AMPH: variants seen among roughly 807,000 people sequenced by gnomAD.
AMPH encodes the protein amphiphysin.
In AMPH, 49 loss-of-function variants were observed where a neutral mutation model predicts 99.1. The ratio of observed to expected loss-of-function variants is 0.49; its 90% CI spans 0.39 to 0.63. The LOEUF is 0.63. Ranked by LOEUF, AMPH falls within the 20% of genes least tolerant of loss-of-function variation. AMPH has a pLI of 0.00. For missense variants in AMPH, 759 were observed against 863.4 expected (o/e 0.88, Z 1.52); for synonymous variants, 314 against 317.3 (o/e 0.99, Z 0.11).
intron 5 of AMPH, among the ~76,000 whole-genome samples, chr7:38,477,639 G>T (rs954547386): frequency 6.6e-6 from 1 of 152,134 alleles, no homozygotes; most frequent in Non-Finnish European, 1.5e-5. Context: ...ATATATGGCT[G>T]CTAGGGGATA....
chr7:38,512,988 A>G (rs897549782), intron 2 of AMPH, among the ~76,000 whole-genome samples: 2 of 152,224 alleles, frequency 1.3e-5, no homozygotes, highest in Non-Finnish European at 2.9e-5. Context: ...TGGAAATGAA[A>G]TAAATAGAAA....
chr7:38,543,919 C>A (rs1554357873), intron 1 of AMPH, among the ~76,000 whole-genome samples: 1 of 152,006 alleles, frequency 6.6e-6, no homozygotes, highest in Non-Finnish European at 1.5e-5. Flanking sequence ...ATCGCAATAC[C>A]CATAAAGTAC....
chr7:38,568,444 G>A (rs1358205367), intron 1 of AMPH, among the ~76,000 whole-genome samples: 10 of 152,092 alleles, frequency 6.6e-5, no homozygotes, highest in South Asian at 4.1e-4. Context: ...CAGCCTGGGC[G>A]GCAAAGCGAG....
chr7:38,570,648 G>GTTAC (rs1329288512), intron 1 of AMPH, among the ~76,000 whole-genome samples: 1 of 151,590 alleles, frequency 6.6e-6, no homozygotes, highest in Non-Finnish European at 1.5e-5. Flanking sequence ...AAATGGCTAG[G>GTTAC]TTACTGGTTT....
At chr7:38,424,583 G>C (rs530281472) in intron 15 of AMPH, among the ~76,000 whole-genome samples, 2 of 151,784 alleles carry the variant, frequency 1.3e-5, no homozygotes, top group Admixed American at 1.3e-4. Flanking sequence ...AACAATAATA[G>C]AATACTAGTC....
chr7:38,535,625 T>C (rs1004073769), intron 1 of AMPH, among the ~76,000 whole-genome samples: 3 of 152,188 alleles, frequency 2.0e-5, no homozygotes, highest in Admixed American at 6.5e-5. Context: ...CACCATAATG[T>C]AGAATCAGTG....
intron 15 of AMPH, among the ~76,000 whole-genome samples, chr7:38,423,995 C>G (rs1003340506): frequency 6.6e-6 from 1 of 152,162 alleles, no homozygotes; most frequent in Admixed American, 6.5e-5. Context: ...AGACCATGCA[C>G]CCCTCTCTCG....
chr7:38,615,079 T>C (rs1354960171), intron 1 of AMPH, among the ~76,000 whole-genome samples: 1 of 152,210 alleles, frequency 6.6e-6, no homozygotes, highest in Non-Finnish European at 1.5e-5. Context: ...TATTGCAGAA[T>C]AACTTCACCA....
chr7:38,534,643 G>A (rs968892621), intron 2 of AMPH, among the ~76,000 whole-genome samples: 2 of 152,128 alleles, frequency 1.3e-5, no homozygotes, highest in Non-Finnish European at 2.9e-5. Context: ...GTCACTGCAC[G>A]CCAACCTGGG....
intron 1 of AMPH, among the ~76,000 whole-genome samples, chr7:38,610,067 T>A (rs1169346422): frequency 1.3e-5 from 2 of 150,460 alleles, no homozygotes; most frequent in Admixed American, 6.7e-5. Flanking sequence ...AGAAACCCCA[T>A]CTCTACTAAA....
intron 17 of AMPH, among the ~76,000 whole-genome samples, chr7:38,397,565 G>C (rs1030948932): frequency 8.5e-5 from 13 of 152,148 alleles, no homozygotes; most frequent in Admixed American, 5.9e-4. Context: ...ACTACCAAAA[G>C]GAAACATTGG....
intron 1 of AMPH, among the ~76,000 whole-genome samples, chr7:38,563,965 C>A (rs1283492690): frequency 6.6e-6 from 1 of 152,156 alleles, no homozygotes. Context: ...TAATATGTTA[C>A]CCCATGAATA....
At chr7:38,565,933 C>A (rs540826813) in intron 1 of AMPH, among the ~76,000 whole-genome samples, 2 of 152,218 alleles carry the variant, frequency 1.3e-5, no homozygotes, top group Admixed American at 1.3e-4. Flanking sequence ...ATAGTCAATG[C>A]AACATTTACA....
intron 17 of AMPH, among the ~76,000 whole-genome samples, chr7:38,406,713 C>CCTCTCTCCCTCTCTCTCTCTCTCTCT (rs1562732244): frequency 9.0e-6 from 1 of 111,106 alleles, no homozygotes; most frequent in Admixed American, 1.0e-4. Context: ...TCTCTCCTCT[C>CCTCTCTCCCTCTCTCTCTCTCTCTCT]CTCTCTCTCT....
chr7:38,565,605 C>T (rs1476826898), intron 1 of AMPH, among the ~76,000 whole-genome samples: 1 of 151,906 alleles, frequency 6.6e-6, no homozygotes, highest in Non-Finnish European at 1.5e-5. Flanking sequence ...AACTTAATCA[C>T]CTCTTTCAGG....
chr7:38,479,965 AT>A (rs960502748), intron 5 of AMPH, among the ~76,000 whole-genome samples: 8 of 152,154 alleles, frequency 5.3e-5, no homozygotes, highest in African/African-American at 1.7e-4. Context: ...TTTAAAAAAA[AT>A]CTTCCCCGTA....
intron 1 of AMPH, among the ~76,000 whole-genome samples, chr7:38,612,763 T>G (rs1228990974): frequency 6.6e-6 from 1 of 152,176 alleles, no homozygotes; most frequent in African/African-American, 2.4e-5. Flanking sequence ...TTTAGAACAC[T>G]TGGGTGTGAC....
intron 16 of AMPH, among the ~76,000 whole-genome samples, chr7:38,420,433 C>T (rs2085448236): frequency 1.3e-5 from 2 of 152,160 alleles, no homozygotes; most frequent in Admixed American, 1.3e-4. Flanking sequence ...TCCCATGCCA[C>T]ACCTATTTTG....
At chr7:38,385,694 G>A (rs1784332503) in intron 20 of AMPH, among the ~76,000 whole-genome samples, 1 of 152,154 alleles carries the variant, frequency 6.6e-6, no homozygotes, top group Admixed American at 6.5e-5. Flanking sequence ...TCACAAAAAT[G>A]AAACAGTTTG....
Sources: allele counts gnomAD v4.1 joint callset (sites outside exome capture counted in the v4.1 genomes callset), GRCh38; gene constraint gnomAD v4.1.1; transcripts MANE v1.5; gene names NCBI Gene and HGNC (gene_info 2026-07-23, HGNC 2026-07-21).